DLEU7: variants seen among roughly 807,000 people sequenced by gnomAD.
DLEU7 encodes deleted in lymphocytic leukemia 7, also known as leukemia-associated protein 7.
Under a neutral mutation model 16.0 loss-of-function variants are expected in DLEU7, and 17 were observed. That is an observed-to-expected ratio of 1.06 (90% CI 0.73 to 1.59). The LOEUF (loss-of-function observed/expected upper bound fraction) is 1.59, where lower values mean the gene tolerates loss of function less well. DLEU7 is among the 40% of genes most tolerant of loss of function. The pLI is 0.00. For synonymous variants in DLEU7, 113 were observed against 139.8 expected (o/e 0.81, Z 1.35); for missense variants, 308 against 314.9 (o/e 0.98, Z 0.17).
chr13:50,802,749 G>A (rs1876285006), intron 1 of DLEU7, among the ~76,000 whole-genome samples: 1 of 152,050 alleles, frequency 6.6e-6, no homozygotes, highest in Non-Finnish European at 1.5e-5. Flanking sequence ...CTCCTCACAG[G>A]AGGCGACCTG....
chr13:50,826,993 G>A (rs1566265710), intron 1 of DLEU7, among the ~76,000 whole-genome samples: 1 of 152,096 alleles, frequency 6.6e-6, no homozygotes, highest in Non-Finnish European at 1.5e-5. Context: ...CTCACAGTTA[G>A]ATATTTCTGA....
intron 1 of DLEU7, among the ~76,000 whole-genome samples, chr13:50,790,224 C>T (rs752758286): frequency 1.1e-4 from 16 of 152,114 alleles, no homozygotes; most frequent in Non-Finnish European, 1.8e-4. Flanking sequence ...TGAGCCACCA[C>T]ACCCGGCCTC....
In DLEU7 at chr13:50,772,278, A is replaced by C. The variant is rs1875340338; in HGVS notation, c.460-59038T>G. ...TAGCCCATTTAAATTTAAGGTTAAT[A>C]TTGTTATGTGTGAATTCAATCCTGT... On this transcript the variant is annotated intron_variant, in intron 1 of 1. Coordinates refer to the DLEU7 transcript ENST00000400393. 3.3e-5 allele frequency among the ~76,000 whole-genome samples: 5 copies of C among 152,034 alleles called. No homozygotes were observed. In the South Asian group the frequency reaches 1.0e-3, roughly 32 times the overall value.
chr13:50,773,907 C>T (rs1875407143), intron 1 of DLEU7, among the ~76,000 whole-genome samples: 1 of 151,986 alleles, frequency 6.6e-6, no homozygotes. Context: ...CAGGCAGGAG[C>T]TGTGGTGGGC....
chr13:50,777,290 A>T (rs1875530921), intron 1 of DLEU7, among the ~76,000 whole-genome samples: 1 of 152,214 alleles, frequency 6.6e-6, no homozygotes, highest in African/African-American at 2.4e-5. Context: ...CATTTGAGTC[A>T]GTGGGCTGGG....
At chr13:50,843,917 C>A (rs568253497), upstream of DLEU7, 48 of 453,294 alleles carry the variant, frequency 1.1e-4, no homozygotes, top group African/African-American at 8.8e-4. This position sits in a 1 kb window ranked among gnomAD's most constrained non-coding sequence, Gnocchi z 5.7. Context: ...AAATGCTGAG[C>A]GTTGCTTCTT....
chr13:50,834,858 A>G (rs1877400738), intron 1 of DLEU7, among the ~76,000 whole-genome samples: 1 of 152,330 alleles, frequency 6.6e-6, no homozygotes, highest in South Asian at 2.1e-4. Flanking sequence ...AATACTATGC[A>G]GCCATAAAAA....
At chr13:50,732,627 G>C (rs1400195275) in intron 1 of DLEU7, among the ~76,000 whole-genome samples, 2 of 75,556 alleles carry the variant, frequency 2.6e-5, no homozygotes, top group African/African-American at 7.2e-5. Context: ...AAAAAAAAAA[G>C]CTTATGTGCT....
At chr13:50,767,716 C>G (rs952508462) in intron 1 of DLEU7, among the ~76,000 whole-genome samples, 2 of 152,158 alleles carry the variant, frequency 1.3e-5, no homozygotes, top group Admixed American at 1.3e-4. Flanking sequence ...TCCAGTGTCC[C>G]CTAGCATAGA....
intron 1 of DLEU7, among the ~76,000 whole-genome samples, chr13:50,727,825 T>C (rs1873807297): frequency 6.6e-6 from 1 of 152,248 alleles, no homozygotes; most frequent in Non-Finnish European, 1.5e-5. Context: ...TTATTCTGCA[T>C]GAACACTCGG....
chr13:50,800,885 G>T (rs1197226604), intron 1 of DLEU7, among the ~76,000 whole-genome samples: 3 of 152,040 alleles, frequency 2.0e-5, no homozygotes, highest in African/African-American at 7.2e-5. Flanking sequence ...GGTTAGTTTT[G>T]CAGCATACAG....
intron 1 of DLEU7, among the ~76,000 whole-genome samples, chr13:50,832,006 A>G (rs561983201): frequency 6.6e-6 from 1 of 152,200 alleles, no homozygotes; most frequent in South Asian, 2.1e-4. Flanking sequence ...TCATAAAATG[A>G]GTTAGGAGGA....
intron 1 of DLEU7, among the ~76,000 whole-genome samples, chr13:50,740,348 AC>A (rs886487721): frequency 1.6e-4 from 25 of 152,222 alleles, no homozygotes; most frequent in African/African-American, 5.3e-4. Context: ...CCATGTCCAC[AC>A]AAAGACTTAC....
rs914606315 is a variant in DLEU7 at position 50,804,174 on chromosome 13, C to G, written c.459+39014G>C. On this transcript the variant is annotated intron_variant, in intron 1 of 1. Transcript: ENST00000400393. ...AGTACCATGTATTTTCTATTTTTTC[C>G]CCTGAATTTTCCTGGTTATTCCTGC... 2.6e-5 allele frequency among the ~76,000 whole-genome samples: 4 copies of G among 151,682 alleles called. No homozygotes were observed. The East Asian group carries it at 7.8e-4, about 29-fold the overall frequency.
chr13:50,830,712 A>G (rs1358420536), intron 1 of DLEU7, among the ~76,000 whole-genome samples: 1 of 152,220 alleles, frequency 6.6e-6, no homozygotes, highest in Non-Finnish European at 1.5e-5. Flanking sequence ...TTTTTAGCAC[A>G]TATCTGCCCT....
intron 1 of DLEU7, among the ~76,000 whole-genome samples, chr13:50,733,631 C>T (rs1423354167): frequency 6.6e-6 from 1 of 152,120 alleles, no homozygotes; most frequent in East Asian, 1.9e-4. Flanking sequence ...ACACACATTT[C>T]CTGTCTCATA....
intron 1 of DLEU7, among the ~76,000 whole-genome samples, chr13:50,782,374 A>T (rs932414280): frequency 1.3e-5 from 2 of 152,100 alleles, no homozygotes; most frequent in Non-Finnish European, 2.9e-5. Flanking sequence ...ATCCTCCAAT[A>T]TAGCTCTTTT....
chr13:50,738,962 TAC>T (rs55722607), intron 1 of DLEU7, among the ~76,000 whole-genome samples: 17,534 of 144,610 alleles, frequency 0.12, 1,116 homozygotes, highest in East Asian at 0.18. Context: ...TAAAAAATAA[TAC>T]ACACACACAC....
At position 50,843,434 on chromosome 13, in the gene DLEU7, G is replaced by T; in HGVS notation, c.213C>A (p.Gly71=). The T allele has an allele frequency of 7.6e-7, 1 of 1,307,336 alleles. No individual in the cohort carries two copies. 81.0% of individuals were successfully genotyped at this position (1,307,336 alleles called of 1,614,324 possible). A position where few individuals can be genotyped will look rare whatever the true frequency, so the allele number is the denominator to read the frequency against. Residue 71 remains glycine, a synonymous_variant, in exon 1 of 2, where the codon GGC becomes GGA. Transcript: ENST00000504404. The surrounding 1 kb of genome is among the most constrained non-coding windows in gnomAD (Gnocchi z 5.7). ...CGGTCCGCCGACTCCTGGTCCCCAC[G>T]CCCCCGCCCCGCTCCTCGCGCCCGG... is the stretch of plus-strand genomic sequence containing the variant. ...PGPGREERGG[G]VGTRSRRTAA... is the part of the protein sequence containing the mutation.
Sources: allele counts gnomAD v4.1 joint callset (sites outside exome capture counted in the v4.1 genomes callset), GRCh38; gene constraint gnomAD v4.1.1; non-coding constraint Gnocchi (gnomAD v3.1); transcripts MANE v1.5; gene names NCBI Gene and HGNC (gene_info 2026-07-23, HGNC 2026-07-21).